The following RPS6KA2 variants were observed in gnomAD, a reference collection of about 807,000 sequenced individuals.
RPS6KA2 encodes the protein ribosomal protein S6 kinase alpha-2.
Under a neutral mutation model 91.8 loss-of-function variants are expected in RPS6KA2, and 42 were observed. That is an observed-to-expected ratio of 0.46 (90% confidence interval 0.36 to 0.59). The LOEUF (loss-of-function observed/expected upper bound fraction) is 0.59, where lower values mean the gene tolerates loss of function less well. RPS6KA2 is among the 20% of genes least tolerant of loss of function. The pLI, the probability that RPS6KA2 is intolerant of heterozygous loss-of-function variation, is 0.00. For synonymous variants in RPS6KA2, 414 were observed against 393.6 expected (o/e 1.05, Z -0.61); for missense variants, 798 against 978.5 (o/e 0.82, Z 2.46).
At chr6:166,816,377 C>A (rs1488042752) in intron 2 of RPS6KA2, among the ~76,000 whole-genome samples, 1 of 90,740 alleles carries the variant, frequency 1.1e-5, no homozygotes, top group Non-Finnish European at 2.3e-5. Flanking sequence ...GAAACCCCGT[C>A]TCTACTAAAA....
intron 2 of RPS6KA2, among the ~76,000 whole-genome samples, chr6:166,723,527 A>G: frequency 6.6e-6 from 1 of 151,922 alleles, no homozygotes; most frequent in African/African-American, 2.4e-5. Context: ...GTGCCAGTAC[A>G]TCAAAGTGGC....
intron 3 of RPS6KA2, among the ~76,000 whole-genome samples, chr6:166,516,062 C>T (rs1782633860): frequency 6.6e-6 from 1 of 152,172 alleles, no homozygotes; most frequent in South Asian, 2.1e-4. Context: ...TGTACAAAAC[C>T]AAACGGTCCC....
intron 10 of RPS6KA2, among the ~76,000 whole-genome samples, chr6:166,471,747 T>C (rs531863498): frequency 4.5e-4 from 69 of 152,352 alleles, no homozygotes; most frequent in African/African-American, 1.5e-3. Flanking sequence ...GGTTATGAGT[T>C]ACAGGTACTG....
At position 166,790,902 on chromosome 6, in the gene RPS6KA2, C is replaced by T. The variant is rs555523815; in HGVS notation, c.123+67298G>A. Reference sequence around the variant, plus strand: ...AAGGAACAACCGGTACCAGCCACTGCAAAAACATGCCAAAATGTAAAGACC... The same window carrying T: ...AAGGAACAACCGGTACCAGCCACTGTAAAAACATGCCAAAATGTAAAGACC... On this transcript the variant is annotated intron_variant, in intron 2 of 21. Coordinates refer to the RPS6KA2 transcript ENST00000503859. 7.9e-5 allele frequency among the ~76,000 whole-genome samples: 12 copies of T among 152,268 alleles called. No homozygotes were observed. In the East Asian group the frequency reaches 1.9e-3, roughly 24 times the overall value.
chr6:166,413,948 T>A lies in RPS6KA2; in HGVS notation c.1939-17A>T. On this transcript the variant is annotated splice_polypyrimidine_tract_variant and intron_variant, in intron 19 of 20. Coordinates refer to ENST00000265678, the MANE Select transcript of RPS6KA2 (RefSeq NM_021135.6). The stretch of plus-strand genomic sequence containing the variant: ...CACGACGTCCTGCCAGGGAAGGTCA[T>A]GAGAGTCGGGGGGATGGTTGGATCA... The A allele has an allele frequency of 6.2e-7, 1 of 1,611,872 alleles. No individual in the cohort carries two copies. The highest frequency in any genetic ancestry group is 8.5e-7 in the Non-Finnish European group (1 of 1,179,350).
intron 2 of RPS6KA2, among the ~76,000 whole-genome samples, chr6:166,800,002 T>C (rs73266871): frequency 0.017 from 2,585 of 152,276 alleles, 82 homozygotes; most frequent in African/African-American, 0.059. Context: ...TGGTGGGGAT[T>C]TGCTCAGAAG....
At chr6:166,701,503 G>T in intron 2 of RPS6KA2, 1 of 1,333,352 alleles carries the variant, frequency 7.5e-7, no homozygotes, top group Non-Finnish European at 1.1e-6. Flanking sequence ...TGCTTCCACT[G>T]GAGCAATCTT....
At chr6:166,551,987 G>A (rs902188519) in intron 1 of RPS6KA2, among the ~76,000 whole-genome samples, 7 of 152,312 alleles carry the variant, frequency 4.6e-5, no homozygotes, top group African/African-American at 1.4e-4. Flanking sequence ...ACCGCCTTCC[G>A]ACACAGCTTA....
At chr6:166,535,388 C>T (rs1483565835) in intron 2 of RPS6KA2, among the ~76,000 whole-genome samples, 1 of 152,158 alleles carries the variant, frequency 6.6e-6, no homozygotes, top group Admixed American at 6.5e-5. Flanking sequence ...GAGTAACAGC[C>T]ACCCCCAAAA....
chr6:166,417,584 G>A (rs550815558), intron 19 of RPS6KA2, among the ~76,000 whole-genome samples: 32 of 151,406 alleles, frequency 2.1e-4, no homozygotes, highest in African/African-American at 7.5e-4. Context: ...CCACAATCAC[G>A]TGAGCCAATT....
intron 2 of RPS6KA2, among the ~76,000 whole-genome samples, chr6:166,853,361 T>C (rs1345734145): frequency 3.3e-5 from 5 of 152,230 alleles, no homozygotes; most frequent in Admixed American, 2.6e-4. Context: ...CTAAAAATCA[T>C]CTATGTATCT....
At chr6:166,488,365 C>G (rs1781481462) in intron 10 of RPS6KA2, among the ~76,000 whole-genome samples, 1 of 152,226 alleles carries the variant, frequency 6.6e-6, no homozygotes, top group South Asian at 2.1e-4. Flanking sequence ...CTCGCTAAGA[C>G]CGGCCCAGCC....
At chr6:166,519,894 T>C (rs1782789620) in intron 3 of RPS6KA2, among the ~76,000 whole-genome samples, 1 of 152,214 alleles carries the variant, frequency 6.6e-6, no homozygotes, top group Admixed American at 6.5e-5. Context: ...TCAACTTGAC[T>C]GGGCTAAGAG....
At chr6:166,839,696 A>AGGGGACGGGAGGGGAGGAGAGGAGG (rs1433853207) in intron 2 of RPS6KA2, among the ~76,000 whole-genome samples, 1 of 104,226 alleles carries the variant, frequency 9.6e-6, no homozygotes, top group African/African-American at 4.1e-5. Flanking sequence ...AGGAGAGGGG[A>AGGGGACGGGAGGGGAGGAGAGGAGG]GGAGAGGAGA....
At chr6:166,744,513 T>G (rs1195205390) in intron 2 of RPS6KA2, among the ~76,000 whole-genome samples, 7 of 152,144 alleles carry the variant, frequency 4.6e-5, no homozygotes, top group Non-Finnish European at 8.8e-5. Context: ...GAAAAAACGG[T>G]GCTGGGCCTC....
At chr6:166,478,290 T>C (rs1169284811) in intron 10 of RPS6KA2, among the ~76,000 whole-genome samples, 1 of 151,954 alleles carries the variant, frequency 6.6e-6, no homozygotes, top group Non-Finnish European at 1.5e-5. Flanking sequence ...TGCTTGGGAA[T>C]GACAAGGCAG....
At chr6:166,425,794 T>C (rs1291969079) in intron 16 of RPS6KA2, among the ~76,000 whole-genome samples, 1 of 152,116 alleles carries the variant, frequency 6.6e-6, no homozygotes, top group Non-Finnish European at 1.5e-5. Flanking sequence ...GCACCCAGAT[T>C]CATAAAGCAA....
intron 1 of RPS6KA2, among the ~76,000 whole-genome samples, chr6:166,540,211 G>A (rs542765606): frequency 1.1e-4 from 17 of 152,286 alleles, no homozygotes; most frequent in Admixed American, 7.2e-4. Context: ...TAGCAATAAC[G>A]TACATGACGA....
Position 166,419,932 on chromosome 6 carries a change from C to T in RPS6KA2, c.1770G>A (p.Ala590=), listed in dbSNP as rs138730194. Residue 590 remains alanine, a synonymous_variant, in exon 18 of 21, where the codon GCG becomes GCA. Coordinates refer to ENST00000265678, the MANE Select transcript of RPS6KA2 (RefSeq NM_021135.6). The surrounding 1 kb of genome is among the most constrained non-coding windows in gnomAD (Gnocchi z 5.6). ...PEVLKRQGYD[A]ACDIWSLGIL... ...TCCCCAAACTCCAGATGTCACACGC[C>T]GCATCATAGCCTTGACGCTTCAGGA... 35 of 1,613,780 alleles carry T rather than the reference C, an allele frequency of 2.2e-5. No homozygotes were observed. Among genetic ancestry groups the T allele is most frequent in the Middle Eastern group, 1.6e-4 (1 of 6,080 alleles).
Sources: allele counts gnomAD v4.1 joint callset (sites outside exome capture counted in the v4.1 genomes callset), GRCh38; gene constraint gnomAD v4.1.1; non-coding constraint Gnocchi (gnomAD v3.1); transcripts MANE v1.5; gene names NCBI Gene and HGNC (gene_info 2026-07-23, HGNC 2026-07-21).